RAB20: variants seen among roughly 807,000 people sequenced by gnomAD.
The protein encoded by RAB20 is ras-related protein Rab-20.
In RAB20, 2 loss-of-function variants were observed where a neutral mutation model predicts 3.7. The observed-to-expected ratio is 0.54, with a 90% confidence interval of 0.22 to 1.69. The LOEUF (loss-of-function observed/expected upper bound fraction) is 1.69. Ranked by LOEUF, RAB20 falls within the 40% of genes most tolerant of loss-of-function variation. RAB20 has a pLI of 0.19. For missense variants in RAB20, 276 were observed against 311.9 expected, an observed-to-expected ratio of 0.88 and a Z score of 0.87; for synonymous variants, 126 against 130.8, an observed-to-expected ratio of 0.96 and a Z score of 0.25.
At position 110,561,644 on chromosome 13, in the gene RAB20, G is replaced by C; in HGVS notation, c.-125C>G. ...GGACCCGGATTCTCGTGAACGCTCC[G>C]GGACCTTCGCCTCCGGACGCCCGGG... On this transcript the variant is annotated 5_prime_UTR_variant, in exon 1 of 2. Transcript: ENST00000267328. The C allele has an allele frequency of 4.2e-6, 6 of 1,418,570 alleles. No individual in the cohort carries two copies. Among genetic ancestry groups the C allele is most frequent in the Non-Finnish European group, 5.5e-6 (6 of 1,083,982 alleles). The allele number at this position is 1,418,570 out of a possible 1,614,324, so 87.9% of individuals were successfully genotyped here. A position where few individuals can be genotyped will look rare whatever the true frequency, so the allele number is the denominator to read the frequency against.
At chr13:110,552,945 C>T (rs1018267672) in intron 1 of RAB20, among the ~76,000 whole-genome samples, 1 of 152,214 alleles carries the variant, frequency 6.6e-6, no homozygotes, top group Non-Finnish European at 1.5e-5. Flanking sequence ...AGCCTCCCAG[C>T]GCACACTGCT....
chr13:110,541,491 G>A (rs1003263478), intron 1 of RAB20, among the ~76,000 whole-genome samples: 1 of 152,178 alleles, frequency 6.6e-6, no homozygotes, highest in African/African-American at 2.4e-5. Context: ...AGCTCACCTC[G>A]TTCTTATCTT....
intron 1 of RAB20, among the ~76,000 whole-genome samples, chr13:110,534,406 G>A (rs1884603881): frequency 6.6e-6 from 1 of 152,120 alleles, no homozygotes; most frequent in South Asian, 2.1e-4. Context: ...CCATTTTCAG[G>A]CTGTCCCCTG....
intron 1 of RAB20, among the ~76,000 whole-genome samples, chr13:110,537,605 A>T (rs950263750): frequency 3.3e-5 from 5 of 151,816 alleles, no homozygotes; most frequent in African/African-American, 1.2e-4. Context: ...TCTCCTAGAC[A>T]TAAGGAGCTG....
intron 1 of RAB20, among the ~76,000 whole-genome samples, chr13:110,528,652 CTG>C (rs1844978365): frequency 6.6e-6 from 1 of 152,202 alleles, no homozygotes; most frequent in Admixed American, 6.5e-5. Context: ...TTTCAAGTCT[CTG>C]TTACATAGTT....
At chr13:110,547,249 T>C (rs534993928) in intron 1 of RAB20, among the ~76,000 whole-genome samples, 12 of 152,290 alleles carry the variant, frequency 7.9e-5, no homozygotes, top group African/African-American at 2.9e-4. Flanking sequence ...CCAAACACAC[T>C]GAATCAGCTG....
chr13:110,528,279 G>A (rs1295123653), intron 1 of RAB20, among the ~76,000 whole-genome samples: 1 of 151,934 alleles, frequency 6.6e-6, no homozygotes, highest in South Asian at 2.1e-4. Context: ...AGCCAGGCAT[G>A]GTGGCATGTG....
intron 1 of RAB20, among the ~76,000 whole-genome samples, chr13:110,545,599 C>G (rs942847378): frequency 2.0e-5 from 3 of 152,166 alleles, no homozygotes; most frequent in African/African-American, 7.2e-5. Flanking sequence ...CTACACACAT[C>G]AGGATATTAA....
At chr13:110,557,649 T>G (rs1452578023) in intron 1 of RAB20, among the ~76,000 whole-genome samples, 1 of 152,142 alleles carries the variant, frequency 6.6e-6, no homozygotes, top group African/African-American at 2.4e-5. Flanking sequence ...GCACTCACTC[T>G]CTCCAACACC....
intron 1 of RAB20, among the ~76,000 whole-genome samples, chr13:110,536,926 C>T (rs408184): frequency 0.48 from 27,973 of 58,052 alleles, 4,569 homozygotes; most frequent in African/African-American, 0.56. Flanking sequence ...CTTTCCCTCC[C>T]CCCTCCCCCC....
At chr13:110,537,689 T>A (rs182868723) in intron 1 of RAB20, among the ~76,000 whole-genome samples, 6 of 150,982 alleles carry the variant, frequency 4.0e-5, no homozygotes, top group African/African-American at 1.5e-4. Flanking sequence ...CTAAAGTGAG[T>A]CCAGCCACTA....
intron 1 of RAB20, among the ~76,000 whole-genome samples, chr13:110,540,826 T>C (rs947716678): frequency 3.9e-5 from 6 of 152,010 alleles, no homozygotes; most frequent in African/African-American, 9.7e-5. Context: ...ATATGGAATA[T>C]ATACGTATCT....
At position 110,524,166 on chromosome 13, in the gene RAB20, C is replaced by T. The variant is rs370664083; in HGVS notation, c.204G>A (p.Met68Ile). The T allele has an allele frequency of 5.0e-6, 8 of 1,602,782 alleles. No individual in the cohort carries two copies. The highest frequency in any genetic ancestry group is 5.9e-6 in the Non-Finnish European group (7 of 1,178,684). ...GREQFHGLGSMYCRGAAAIIL... is the reference protein window; with the variant it reads ...GREQFHGLGSIYCRGAAAIIL... ...TGATGGCGGCCGCCCCCCGGCAGTA[C>T]ATGGAGCCCAGGCCGTGGAACTGCT... is the stretch of plus-strand genomic sequence containing the variant. Residue 68 changes from methionine to isoleucine, a missense_variant, in exon 2 of 2, where the codon ATG (methionine) becomes ATA (isoleucine). Met to Ile is a conservative substitution (Grantham distance 10). Transcript: ENST00000267328.
At chr13:110,551,918 CAA>C (rs3074410) in intron 1 of RAB20, among the ~76,000 whole-genome samples, 55,583 of 100,504 alleles carry the variant, frequency 0.55, 11,394 homozygotes, top group East Asian at 0.63. Context: ...CCTGTCTCTA[CAA>C]AAAAAAAAAA....
intron 1 of RAB20, among the ~76,000 whole-genome samples, chr13:110,553,710 C>T (rs1027028498): frequency 1.3e-5 from 2 of 152,226 alleles, no homozygotes; most frequent in Non-Finnish European, 2.9e-5. Context: ...TCCAGTCACA[C>T]AAACACTAAT....
chr13:110,561,296 C>G (rs1036382489), intron 1 of RAB20, 52 bp downstream of exon 1: 35 of 1,498,312 alleles, frequency 2.3e-5, no homozygotes, highest in Middle Eastern at 2.0e-4. Flanking sequence ...CCCGCGCCCC[C>G]CGTCCCCGGC....
chr13:110,561,212 G>A (rs576278257), intron 1 of RAB20, 136 bp downstream of exon 1: 5 of 1,175,656 alleles, frequency 4.3e-6, no homozygotes. Flanking sequence ...GAGGACGAGT[G>A]GGAAACCCCG....
chr13:110,560,590 C>A (rs1445097922), intron 1 of RAB20, among the ~76,000 whole-genome samples: 1 of 152,120 alleles, frequency 6.6e-6, no homozygotes, highest in Non-Finnish European at 1.5e-5. Flanking sequence ...ATATCTTATT[C>A]TTTTGTAAGG....
At chr13:110,537,195 T>C (rs950870827) in intron 1 of RAB20, among the ~76,000 whole-genome samples, 4 of 151,732 alleles carry the variant, frequency 2.6e-5, no homozygotes, top group Non-Finnish European at 5.9e-5. Flanking sequence ...GGGGTCTCAC[T>C]ATTATTGCCC....
Sources: gnomAD v4.1 joint callset for allele counts (sites outside exome capture counted in the v4.1 genomes callset) on GRCh38, gnomAD v4.1.1 for gene constraint, MANE v1.5 for transcripts, NCBI Gene and HGNC (gene_info 2026-07-23, HGNC 2026-07-21) for gene names.